Variants in TADA1 observed in about 807,000 individuals in gnomAD.
TADA1 encodes the protein transcriptional adapter 1.
A neutral mutation model predicts 39.3 loss-of-function variants in TADA1; 23 were observed. The observed-to-expected ratio is 0.58, with a 90% confidence interval of 0.42 to 0.83. The LOEUF (loss-of-function observed/expected upper bound fraction) is 0.83. Among genes scored for constraint, TADA1 ranks in the 40% least tolerant of loss-of-function variants. TADA1 has a pLI of 0.00. For missense variants in TADA1, 352 were observed against 408.1 expected, an observed-to-expected ratio of 0.86 and a Z score of 1.18; for synonymous variants, 137 against 151.8, an observed-to-expected ratio of 0.90 and a Z score of 0.72.
Position 166,862,243 on chromosome 1 carries a change from A to T in TADA1, c.500T>A (p.Val167Asp). The change falls in exon 5 of 8, where the codon GTC becomes GAC. Residue 167 changes from valine (V) to aspartate (D), a missense_variant. Transcript: ENST00000367874. ...VTAYEHGLDN[V>D]TEEAVSAVVY... ...AACAGCTGAAACAGCCTCCTCGGTG[A>T]CATTGTCCAGCCCATGCTCATAAGC... 1 of 1,613,966 alleles carries T rather than the reference A, an allele frequency of 6.2e-7. No individual in the cohort carries two copies. Among genetic ancestry groups the T allele is most frequent in the Non-Finnish European group, 8.5e-7 (1 of 1,179,952 alleles).
At chr1:166,866,176 G>A (rs1032075092) in intron 3 of TADA1, among the ~76,000 whole-genome samples, 8 of 152,240 alleles carry the variant, frequency 5.3e-5, no homozygotes, top group African/African-American at 1.7e-4. Context: ...CTGCTGCTGC[G>A]TGGCCAAGCG....
At chr1:166,870,926 A>G (rs1222131976) in intron 1 of TADA1, among the ~76,000 whole-genome samples, 1 of 152,132 alleles carries the variant, frequency 6.6e-6, no homozygotes, top group Non-Finnish European at 1.5e-5. Context: ...TCTCACTGTC[A>G]CCTTTCTAAT....
In TADA1 at chr1:166,876,194, T is replaced by G. The variant is rs760509686; in HGVS notation, c.40A>C (p.Asn14His). ...TTGTCCCCCAGGGCCTCGCTTAAGT[T>G]CTTCTTGGCCGCCTCCAGCTCGCTC... ...FVSELEAAKK[N>H]LSEALGDNVK... The change falls in exon 1 of 8, where the codon AAC (asparagine) becomes CAC (histidine). Residue 14 changes from asparagine to histidine, a missense_variant. Physicochemically the swap from Asn to His is moderately conservative, Grantham distance 68 (BLOSUM62 1). Around this residue, in one of 3 missense-constraint regions of TADA1, gnomAD observed 31 missense variants for 25.1 expected, o/e 1.23. Transcript: ENST00000367874. 3.2e-5 allele frequency: 52 copies of G among 1,613,766 alleles called. No individual in the cohort carries two copies. In the South Asian group the frequency reaches 5.4e-4, roughly 17 times the overall value.
intron 3 of TADA1, 166 bp downstream of exon 3, chr1:166,869,276 TAAA>T (rs200445746): frequency 4.4e-5 from 18 of 409,862 alleles, no homozygotes; most frequent in Non-Finnish European, 4.4e-5. Context: ...GTTTCTGCTT[TAAA>T]AAAAAAAAAA....
chr1:166,872,872 C>T (rs543386956), intron 1 of TADA1, among the ~76,000 whole-genome samples: 2 of 152,220 alleles, frequency 1.3e-5, no homozygotes, highest in South Asian at 4.1e-4. Flanking sequence ...AGGACAAATA[C>T]CAAAAACAAA....
chr1:166,860,688 T>A (rs574360117), intron 5 of TADA1, among the ~76,000 whole-genome samples: 1 of 152,304 alleles, frequency 6.6e-6, no homozygotes, highest in Non-Finnish European at 1.5e-5. Flanking sequence ...CTTTTTTTTT[T>A]AGATGGATTC....
At chr1:166,858,065 GAA>G (rs953506957) in intron 7 of TADA1, 52 bp downstream of exon 7, 3 of 1,594,558 alleles carry the variant, frequency 1.9e-6, no homozygotes, top group East Asian at 2.2e-5. Flanking sequence ...TAGACTTAAA[GAA>G]TCTCTTAACC....
At chr1:166,860,501 A>G (rs1214612122) in intron 5 of TADA1, among the ~76,000 whole-genome samples, 164 bp from the exon 6 acceptor site, 2 of 152,216 alleles carry the variant, frequency 1.3e-5, no homozygotes, top group Admixed American at 1.3e-4. Context: ...ACGGAGCCAC[A>G]CCAAAGGAGT....
At chr1:166,876,084 C>T in intron 1 of TADA1, 76 bp downstream of exon 1, 1 of 1,426,202 alleles carries the variant, frequency 7.0e-7, no homozygotes, top group South Asian at 1.3e-5. Flanking sequence ...GCGGGCGTCT[C>T]CGGGGCGGGC....
chr1:166,870,805 G>C (rs566399890), intron 1 of TADA1, among the ~76,000 whole-genome samples: 70 of 152,220 alleles, frequency 4.6e-4, no homozygotes, highest in African/African-American at 1.4e-3. Context: ...CTCCAGCCTG[G>C]GTGACAGAGC....
chr1:166,862,651 T>C, intron 4 of TADA1: 1 of 551,244 alleles, frequency 1.8e-6, no homozygotes, highest in South Asian at 2.1e-5. Context: ...GTTTATTCTA[T>C]TCAATTAATA....
At chr1:166,858,865 G>A (rs1007784792) in intron 6 of TADA1, among the ~76,000 whole-genome samples, 10 of 152,236 alleles carry the variant, frequency 6.6e-5, no homozygotes, top group African/African-American at 1.9e-4. Context: ...GAACGTTAGC[G>A]TGGGACTGAA....
chr1:166,871,664 C>T (rs953719804), intron 1 of TADA1, among the ~76,000 whole-genome samples: 9 of 152,028 alleles, frequency 5.9e-5, no homozygotes, highest in African/African-American at 2.2e-4. Context: ...AGCTTGGTAC[C>T]CTTTCCACTT....
chr1:166,859,387 T>C (rs1658359342), intron 6 of TADA1, among the ~76,000 whole-genome samples: 1 of 152,190 alleles, frequency 6.6e-6, no homozygotes, highest in Non-Finnish European at 1.5e-5. Flanking sequence ...ACTAACCAGA[T>C]ACGCAAAGTC....
intron 3 of TADA1, 119 bp from the exon 4 acceptor site, chr1:166,864,040 G>A (rs1571239124): frequency 2.8e-6 from 2 of 707,454 alleles, no homozygotes; most frequent in East Asian, 6.2e-5. Flanking sequence ...ACTAATGAAT[G>A]CTTAAATCAA....
intron 1 of TADA1, among the ~76,000 whole-genome samples, chr1:166,875,659 TC>T (rs1237594400): frequency 6.6e-6 from 1 of 152,240 alleles, no homozygotes; most frequent in East Asian, 1.9e-4. Context: ...CACCAGAGGG[TC>T]CGTCTGCCTT....
intron 3 of TADA1, among the ~76,000 whole-genome samples, chr1:166,868,516 T>C (rs1297597204): frequency 6.6e-6 from 1 of 152,228 alleles, no homozygotes; most frequent in Admixed American, 6.5e-5. Flanking sequence ...CTCCCTTACC[T>C]TCTTCATCCT....
intron 1 of TADA1, among the ~76,000 whole-genome samples, chr1:166,875,045 T>C (rs899327407): frequency 6.6e-6 from 1 of 152,140 alleles, no homozygotes; most frequent in Non-Finnish European, 1.5e-5. Context: ...AAAGAAAGTA[T>C]TGGAGAAAAA....
chr1:166,863,850 G>C lies in TADA1; in HGVS notation c.304C>G (p.Leu102Val). 8.1e-6 allele frequency: 13 copies of C among 1,611,862 alleles called. No individual in the cohort carries two copies. The highest frequency in any genetic ancestry group is 1.1e-5 in the Non-Finnish European group (13 of 1,179,420). ...TCAAATTTCTGACGAACAGAAGAAA[G>C]CTTTTTCTTTCCCTTGGGTTTTCCA... ...KPGKPKGKKK[L>V]SSVRQKFDHR... The change falls in exon 4 of 8, where the codon CTT becomes GTT. Residue 102 changes from leucine to valine, a missense_variant. By Grantham distance (32) the Leu-to-Val change is conservative. Around this residue, in one of 3 missense-constraint regions of TADA1, gnomAD observed 285 missense variants for 310.9 expected, o/e 0.92. Coordinates refer to ENST00000367874, the MANE Select transcript of TADA1 (RefSeq NM_053053.4).
Sources: allele counts gnomAD v4.1 joint callset (sites outside exome capture counted in the v4.1 genomes callset), GRCh38; gene constraint gnomAD v4.1.1; regional missense constraint gnomAD v4.1.1; transcripts MANE v1.5; gene names NCBI Gene and HGNC (gene_info 2026-07-23, HGNC 2026-07-21).